Variants in ZNF619 observed in about 807,000 individuals in gnomAD.
The protein encoded by ZNF619 is zinc finger protein 619.
A neutral mutation model predicts 14.2 loss-of-function variants in ZNF619; 9 were observed. The ratio of observed to expected loss-of-function variants is 0.64; its 90% CI spans 0.38 to 1.11. The LOEUF (loss-of-function observed/expected upper bound fraction) is 1.11. Among genes scored for constraint, ZNF619 ranks in the 50% least tolerant of loss-of-function variants. The pLI, the probability that ZNF619 is intolerant of heterozygous loss-of-function variation, is 0.01. For synonymous variants in ZNF619, 246 were observed against 252.8 expected (o/e 0.97, Z 0.26); for missense variants, 659 against 680.1 (o/e 0.97, Z 0.34).
At chr3:40,484,499 G>A (rs917520625) in intron 4 of ZNF619, among the ~76,000 whole-genome samples, 1 of 152,112 alleles carries the variant, frequency 6.6e-6, no homozygotes, top group Non-Finnish European at 1.5e-5. Context: ...GCCTCTGTAA[G>A]GCAAATGCTC....
In ZNF619 at chr3:40,488,600, GC is replaced by G. The variant is rs199683117; in HGVS notation, c.*361del. The G allele has an allele frequency of 0.015, 3,031 of 198,618 alleles. 92 individuals are homozygous for G. Among genetic ancestry groups the G allele is most frequent in the African/African-American group, 0.064 (2,750 of 42,850 alleles). The allele number at this position is 198,618 out of a possible 1,614,324, so 12.3% of individuals were successfully genotyped here. The stretch of plus-strand genomic sequence containing the variant: ...AATTAGAGACTAGGAGAAATGCAAA[GC>G]CTATGGGAGAACATAATCAGATAAA... On this transcript the variant is annotated 3_prime_UTR_variant, in exon 5 of 5. Transcript: ENST00000432264.
At position 40,487,672 on chromosome 3, in the gene ZNF619, C is replaced by G; in HGVS notation, c.1162C>G (p.Leu388Val). The change falls in exon 5 of 5, where the codon CTT becomes GTT. Residue 388 changes from leucine to valine, a missense_variant. Coordinates refer to ENST00000432264, the MANE Select transcript of ZNF619 (RefSeq NM_001145093.4). ...GKAFHRSSVFLQHQRFHTGEQ... is the reference protein window; with the variant it reads ...GKAFHRSSVFVQHQRFHTGEQ... ...GGCCTTCCACCGCAGTTCGGTATTT[C>G]TTCAGCACCAGAGGTTCCACACTGG... 1 of 1,613,390 alleles carries G rather than the reference C, an allele frequency of 6.2e-7. No homozygotes were observed. The highest frequency in any genetic ancestry group is 8.5e-7 in the Non-Finnish European group (1 of 1,179,840).
intron 3 of ZNF619, 130 bp from the exon 4 acceptor site, chr3:40,482,458 C>A: frequency 6.4e-7 from 1 of 1,562,516 alleles, no homozygotes; most frequent in Non-Finnish European, 8.8e-7. Flanking sequence ...TCTGCAGATT[C>A]ACTCCTCCCT....
chr3:40,482,079 A>G (rs1448615282), intron 3 of ZNF619, 63 bp downstream of exon 3: 1 of 1,554,946 alleles, frequency 6.4e-7, no homozygotes, highest in East Asian at 2.2e-5. Context: ...ATTCCTCCTT[A>G]GCAGAACTAG....
chr3:40,486,361 A>G (rs1372798585), intron 4 of ZNF619, among the ~76,000 whole-genome samples: 1 of 152,146 alleles, frequency 6.6e-6, no homozygotes, highest in Middle Eastern at 3.2e-3. Flanking sequence ...TTTCCCCTTG[A>G]GGTACCATCA....
Position 40,488,048 on chromosome 3 carries a change from T to C in ZNF619, c.1538T>C (p.Leu513Pro), listed in dbSNP as rs368719625. The change falls in exon 5 of 5, where the codon CTA (leucine) becomes CCA (proline). Residue 513 changes from leucine to proline, a missense_variant. Physicochemically the swap from Leu to Pro is moderately conservative, Grantham distance 98. Coordinates refer to ENST00000432264, the MANE Select transcript of ZNF619 (RefSeq NM_001145093.4). The part of the protein sequence containing the change: ...PLPPQHTCSA[L>P]APPGPPLSSS... ...CCTCCCCAACATACCTGCTCTGCCCTAGCCCCACCAGGGCCTCCCTTATCT... is the reference window on the plus strand; with the variant it reads ...CCTCCCCAACATACCTGCTCTGCCCCAGCCCCACCAGGGCCTCCCTTATCT... 1.9e-6 allele frequency: 3 copies of C among 1,614,086 alleles called. No individual in the cohort carries two copies. Among genetic ancestry groups the C allele is most frequent in the African/African-American group, 2.7e-5 (2 of 74,948 alleles).
chr3:40,488,208 T>C lies in ZNF619; in HGVS notation c.1698T>C (p.Leu566=). Residue 566 remains leucine, a synonymous_variant, in exon 5 of 5, where the codon CTT becomes CTC. Coordinates refer to ENST00000432264, the MANE Select transcript of ZNF619 (RefSeq NM_001145093.4). ...QDLAFPGKSS[L]QSPNPLSHSL ...TCGCTTTTCCTGGGAAGTCATCCCT[T>C]CAGAGCCCGAATCCTTTGTCTCACT... 1 of 1,600,708 alleles carries C rather than the reference T, an allele frequency of 6.2e-7. No homozygotes were observed. The highest frequency in any genetic ancestry group is 1.3e-5 in the African/African-American group (1 of 74,796).
Position 40,482,676 on chromosome 3 carries a change from G to A in ZNF619, c.267G>A (p.Gly89=). The change falls in exon 4 of 5, where the codon GGG becomes GGA. Residue 89 remains glycine, a synonymous_variant. Transcript: ENST00000432264. ...GCCCAGATCCCTGGACACTTGCTGG[G>A]GGAGAGGCCCTGAGAGGCATGTGCA... ...AWGPDPWTLA[G]GEALRGMCTG... 1 of 1,614,048 alleles carries A rather than the reference G, an allele frequency of 6.2e-7. No homozygotes were observed. The highest frequency in any genetic ancestry group is 1.7e-4 in the Middle Eastern group (1 of 6,050).
chr3:40,484,034 T>C (rs1056859249), intron 4 of ZNF619, among the ~76,000 whole-genome samples: 3 of 152,142 alleles, frequency 2.0e-5, no homozygotes, highest in Non-Finnish European at 4.4e-5. Flanking sequence ...CAAGCGATTC[T>C]CCTGCCTCAG....
Position 40,489,590 on chromosome 3 carries a change from T to G in ZNF619, c.*1349T>G, listed in dbSNP as rs1473370234. Reference sequence around the variant, plus strand: ...TCTGTTGAATTTCAGTACCCACTCATATATGTAGGTACAAAAAGTGACTTG... The same window carrying G: ...TCTGTTGAATTTCAGTACCCACTCAGATATGTAGGTACAAAAAGTGACTTG... On this transcript the variant is annotated 3_prime_UTR_variant, in exon 5 of 5. Transcript: ENST00000432264. 6.6e-6 allele frequency: 1 copy of G among 151,964 alleles called. No individual in the cohort carries two copies. The allele number at this position is 151,964 out of a possible 1,614,324, so 9.4% of individuals were successfully genotyped here.
In ZNF619 at chr3:40,488,281, G is replaced by C. The variant is rs759038611; in HGVS notation, c.*40G>C. 1.0e-6 allele frequency: 1 copy of C among 975,490 alleles called. No individual in the cohort carries two copies. Among genetic ancestry groups the C allele is most frequent in the Admixed American group, 2.1e-5 (1 of 47,650 alleles). 60.4% of individuals were successfully genotyped at this position (975,490 alleles called of 1,614,324 possible). On this transcript the variant is annotated 3_prime_UTR_variant, in exon 5 of 5. Transcript: ENST00000432264. ...TCAAAATCCTTTGCACCTCAAGTTAGGGATTCCACTGGTCTCCTGATTGTG... is the reference window on the plus strand; with the variant it reads ...TCAAAATCCTTTGCACCTCAAGTTACGGATTCCACTGGTCTCCTGATTGTG...
Position 40,487,742 on chromosome 3 carries a change from G to A in ZNF619, c.1232G>A (p.Cys411Tyr). 6.2e-7 allele frequency: 1 copy of A among 1,614,032 alleles called. No homozygotes were observed. The highest frequency in any genetic ancestry group is 8.5e-7 in the Non-Finnish European group (1 of 1,180,014). ...KCNECWKTFS[C>Y]SSRFIVHQRI... ...AATGAATGTTGGAAAACTTTCAGCT[G>A]TAGCTCCCGCTTCATAGTGCATCAG... The change falls in exon 5 of 5, where the codon TGT becomes TAT. Residue 411 changes from cysteine to tyrosine, a missense_variant. Coordinates refer to ENST00000432264, the MANE Select transcript of ZNF619 (RefSeq NM_001145093.4).
rs758431787 is a variant in ZNF619, at chr3:40,478,831, G to A, written c.24+828G>A. Among the ~76,000 whole-genome samples the A allele has an allele frequency of 2.8e-5, 4 of 144,020 alleles. No individual in the cohort carries two copies. In the South Asian group the frequency reaches 8.3e-4, roughly 30 times the overall value. The allele number at this position is 144,020 out of a possible 152,430, so 94.5% of individuals were successfully genotyped here. ...TAAAAACAATGTGTGTGTCCTTTTG[G>A]TGGATATTGGACCATCCACTTCTGT... is the stretch of plus-strand genomic sequence containing the variant. On this transcript the variant is annotated intron_variant, in intron 2 of 4. Transcript: ENST00000432264.
Position 40,487,313 on chromosome 3 carries a change from C to T in ZNF619, c.803C>T (p.Ala268Val). The change falls in exon 5 of 5, where the codon GCC becomes GTC. Residue 268 changes from alanine to valine, a missense_variant. Physicochemically the swap from Ala to Val is moderately conservative, Grantham distance 64 (BLOSUM62 0). Coordinates refer to ENST00000432264, the MANE Select transcript of ZNF619 (RefSeq NM_001145093.4). Reference protein sequence around the residue: ...KPYSCEECGQAFSQNSHLLQH... With the variant: ...KPYSCEECGQVFSQNSHLLQH... ...TACTCATGTGAGGAATGTGGACAAG[C>T]CTTCAGTCAAAATTCCCACCTTCTT... 14 of 1,614,048 alleles carry T rather than the reference C, an allele frequency of 8.7e-6. No homozygotes were observed. Among genetic ancestry groups the T allele is most frequent in the Non-Finnish European group, 1.2e-5 (14 of 1,180,000 alleles).
chr3:40,481,735 G>T, intron 2 of ZNF619, 128 bp from the exon 3 acceptor site: 3 of 1,235,600 alleles, frequency 2.4e-6, no homozygotes, highest in Non-Finnish European at 3.3e-6. Context: ...CTGGCTCGGG[G>T]CTGCCCCTGC....
chr3:40,481,796 G>A, intron 2 of ZNF619, 67 bp from the exon 3 acceptor site: 3 of 1,549,616 alleles, frequency 1.9e-6, no homozygotes, highest in Non-Finnish European at 2.6e-6. Flanking sequence ...ATGGGGCTCA[G>A]TGCCATGGAT....
chr3:40,484,566 A>G (rs148878965), intron 4 of ZNF619, among the ~76,000 whole-genome samples: 23 of 152,278 alleles, frequency 1.5e-4, no homozygotes, highest in African/African-American at 5.1e-4. Flanking sequence ...TCAGCATTTC[A>G]GATCATGTAG....
chr3:40,483,201 C>CCTAT (rs1697464363), intron 4 of ZNF619, among the ~76,000 whole-genome samples: 1 of 152,214 alleles, frequency 6.6e-6, no homozygotes, highest in Admixed American at 6.5e-5. Flanking sequence ...AGAGTGAGAC[C>CCTAT]CTATCTCTAA....
Position 40,488,216 on chromosome 3 carries a change from C to G in ZNF619, c.1706C>G (p.Pro569Arg). 1 of 1,590,604 alleles carries G rather than the reference C, an allele frequency of 6.3e-7. No homozygotes were observed. ...CCTGGGAAGTCATCCCTTCAGAGCC[C>G]GAATCCTTTGTCTCACTCCCTGTAA... ...AFPGKSSLQS[P>R]NPLSHSL Residue 569 changes from proline (P) to arginine (R), a missense_variant, in exon 5 of 5, where the codon CCG becomes CGG. Pro to Arg is a moderately radical substitution (Grantham distance 103, BLOSUM62 -2). Coordinates refer to ENST00000432264, the MANE Select transcript of ZNF619 (RefSeq NM_001145093.4).
Sources: gnomAD v4.1 joint callset for allele counts (sites outside exome capture counted in the v4.1 genomes callset) on GRCh38, gnomAD v4.1.1 for gene constraint, MANE v1.5 for transcripts, NCBI Gene and HGNC (gene_info 2026-07-23, HGNC 2026-07-21) for gene names.